ZRANB1: variants seen among roughly 807,000 people sequenced by gnomAD.
The protein encoded by ZRANB1 is ubiquitin thioesterase ZRANB1.
ZRANB1 carries 16 observed loss-of-function variants against 80.5 expected under a neutral mutation model. The ratio of observed to expected loss-of-function variants is 0.20; its 90% CI spans 0.13 to 0.30. The LOEUF (loss-of-function observed/expected upper bound fraction) is 0.30, where lower values mean the gene tolerates loss of function less well. Ranked by LOEUF, ZRANB1 falls within the 10% of genes least tolerant of loss-of-function variation. The pLI is 1.00. For missense variants in ZRANB1, 576 were observed against 862.6 expected (o/e 0.67, Z 4.16); for synonymous variants, 291 against 293.1 (o/e 0.99, Z 0.07).
At chr10:124,951,334 G>A (rs1951637340) in intron 1 of ZRANB1, among the ~76,000 whole-genome samples, 1 of 152,148 alleles carries the variant, frequency 6.6e-6, no homozygotes, top group African/African-American at 2.4e-5. Context: ...ATTAACTTCT[G>A]TGAAGGAAAA....
intron 1 of ZRANB1, among the ~76,000 whole-genome samples, chr10:124,958,117 A>G (rs1170584522): frequency 1.3e-5 from 2 of 152,222 alleles, no homozygotes; most frequent in African/African-American, 4.8e-5. Flanking sequence ...TGATGAAAAT[A>G]TATTATTTCT....
chr10:124,953,091 A>AT (rs368258624), intron 1 of ZRANB1, among the ~76,000 whole-genome samples: 102,153 of 131,600 alleles, frequency 0.78, 40,909 homozygotes, highest in East Asian at 0.91. Flanking sequence ...TGCCTGGCTA[A>AT]TTTTTTTTTT....
At chr10:124,944,930 A>T (rs1951567209) in intron 1 of ZRANB1, among the ~76,000 whole-genome samples, 2 of 152,018 alleles carry the variant, frequency 1.3e-5, no homozygotes, top group Admixed American at 1.3e-4. Flanking sequence ...GGATGAGGGG[A>T]TGAAAACATA....
At chr10:124,922,420 G>T in the ZRANB1 span, among the ~76,000 whole-genome samples, 1 of 149,542 alleles carries the variant, frequency 6.7e-6, no homozygotes, top group African/African-American at 2.5e-5. Context: ...TGACTTCCCA[G>T]GCTCAAGCTA....
chr10:124,963,566 T>TTTTTTTTTTG (rs1951753842), intron 1 of ZRANB1, among the ~76,000 whole-genome samples: 26 of 134,190 alleles, frequency 1.9e-4, no homozygotes, highest in East Asian at 4.3e-4. Context: ...TTTTTTTTTT[T>TTTTTTTTTTG]TTTTTTTTTT....
intron 3 of ZRANB1, among the ~76,000 whole-genome samples, chr10:124,973,007 T>C (rs1244711777): frequency 1.3e-5 from 2 of 152,176 alleles, no homozygotes; most frequent in Non-Finnish European, 2.9e-5. Flanking sequence ...TCAGTGTTTT[T>C]AATTTTTATG....
chr10:124,972,196 C>A, intron 3 of ZRANB1, 78 bp downstream of exon 3: 1 of 1,456,006 alleles, frequency 6.9e-7, no homozygotes, highest in Non-Finnish European at 9.4e-7. Flanking sequence ...AAAAATGTTT[C>A]TGTTAGAAAG....
chr10:124,920,936 T>G, the ZRANB1 span, among the ~76,000 whole-genome samples: 1 of 152,114 alleles, frequency 6.6e-6, no homozygotes. Context: ...GTTATAGAGG[T>G]ATTCTAGGAT....
In ZRANB1 at chr10:124,950,246, A is replaced by G. The variant is rs11245441; in HGVS notation, c.814+6939A>G. Reference sequence around the variant, plus strand: ...CTCAAGCAATTCTCCTACCTCAGCCACCCAGGTAGATGGGACTACAGACGT... The same window carrying G: ...CTCAAGCAATTCTCCTACCTCAGCCGCCCAGGTAGATGGGACTACAGACGT... On this transcript the variant is annotated intron_variant, in intron 1 of 8. Coordinates refer to ENST00000359653, the MANE Select transcript of ZRANB1 (RefSeq NM_017580.3). Among the ~76,000 whole-genome samples the G allele has an allele frequency of 1.2e-4, 18 of 152,100 alleles. No homozygotes were observed. The East Asian group carries it at 3.5e-3, about 29-fold the overall frequency.
In ZRANB1 at chr10:124,972,048, T is replaced by C; in HGVS notation, c.1086T>C (p.Ser362=). The change falls in exon 3 of 9, where the codon TCT becomes TCC. Residue 362 remains serine (S), a synonymous_variant. Coordinates refer to ENST00000359653, the MANE Select transcript of ZRANB1 (RefSeq NM_017580.3). The stretch of plus-strand genomic sequence containing the variant: ...AAATCCGGAGAGAGATAGCTGCCTC[T>C]CTTCATCAGAGAAAGGGGGATTTTG... The part of the protein sequence containing the change: ...TEQIRREIAA[S]LHQRKGDFAC... 2 of 1,614,054 alleles carry C rather than the reference T, an allele frequency of 1.2e-6. No homozygotes were observed. Among genetic ancestry groups the C allele is most frequent in the South Asian group, 2.2e-5 (2 of 91,054 alleles).
chr10:124,975,389 A>G (rs1951867957), intron 5 of ZRANB1, among the ~76,000 whole-genome samples: 1 of 152,228 alleles, frequency 6.6e-6, no homozygotes, highest in Non-Finnish European at 1.5e-5. Context: ...ACATCTTTCC[A>G]GAATAAGAAT....
chr10:124,949,326 G>A (rs1951611336), intron 1 of ZRANB1, among the ~76,000 whole-genome samples: 1 of 151,784 alleles, frequency 6.6e-6, no homozygotes, highest in Non-Finnish European at 1.5e-5. Context: ...CTTAAGTTTA[G>A]GAGCTGAGAT....
At chr10:124,952,146 C>T (rs993048380) in intron 1 of ZRANB1, among the ~76,000 whole-genome samples, 1 of 152,128 alleles carries the variant, frequency 6.6e-6, no homozygotes, top group Admixed American at 6.5e-5. Context: ...ATAATGTCCA[C>T]ACCCCACCTC....
chr10:124,948,784 T>A (rs1951606017), intron 1 of ZRANB1, among the ~76,000 whole-genome samples: 1 of 152,210 alleles, frequency 6.6e-6, no homozygotes, highest in Non-Finnish European at 1.5e-5. Flanking sequence ...TAATTTTATG[T>A]TTTGTTCAAA....
At chr10:124,967,643 C>T (rs949510405) in intron 2 of ZRANB1, among the ~76,000 whole-genome samples, 1 of 152,074 alleles carries the variant, frequency 6.6e-6, no homozygotes, top group East Asian at 1.9e-4. Flanking sequence ...GCAAGAACTT[C>T]TGCCAGAAGG....
the ZRANB1 span, among the ~76,000 whole-genome samples, chr10:124,922,281 A>AATATATATATATATATATATAT: frequency 3.4e-5 from 3 of 87,456 alleles, no homozygotes; most frequent in African/African-American, 1.3e-4. Context: ...ATATATGTAA[A>AATATATATATATATATATATAT]ATATATATAT....
rs145000708 is a variant in ZRANB1, at chr10:124,955,266, T to TA, written c.815-11327dup. Among the ~76,000 whole-genome samples, 949 of 152,070 alleles carry TA rather than the reference T, an allele frequency of 6.2e-3. 7 individuals are homozygous for TA. Among genetic ancestry groups the TA allele is most frequent in the African/African-American group, 0.022 (903 of 41,480 alleles). ...TTTGTTTGTTTTTGAAACAGGGTCTTACTGTGTTGCGCAGGCTAGAGTGCA... is the reference window on the plus strand; with the variant it reads ...TTTGTTTGTTTTTGAAACAGGGTCTTAACTGTGTTGCGCAGGCTAGAGTGCA... On this transcript the variant is annotated intron_variant, in intron 1 of 8. Coordinates refer to ENST00000359653, the MANE Select transcript of ZRANB1 (RefSeq NM_017580.3).
Position 124,973,652 on chromosome 10 carries a change from A to C in ZRANB1, c.1164A>C (p.Glu388Asp). The C allele has an allele frequency of 6.2e-7, 1 of 1,610,562 alleles. No homozygotes were observed. Among genetic ancestry groups the C allele is most frequent in the Non-Finnish European group, 8.5e-7 (1 of 1,179,072 alleles). Residue 388 changes from glutamate (E) to aspartate (D), a missense_variant, in exon 4 of 9, where the codon GAA becomes GAC. By Grantham distance (45) the Glu-to-Asp change is conservative (BLOSUM62 2). This residue lies in a region of ZRANB1 where 411 missense variants were observed against 583.1 expected (regional missense o/e 0.70). Coordinates refer to ENST00000359653, the MANE Select transcript of ZRANB1 (RefSeq NM_017580.3). ...LVTFTLPADI[E>D]DLPPTVQEKL... ...TTTGCATTTTCTTTGTAGATATTGA[A>C]GATTTGCCCCCAACAGTCCAAGAAA...
chr10:124,932,042 T>G, the ZRANB1 span, among the ~76,000 whole-genome samples: 1 of 152,210 alleles, frequency 6.6e-6, no homozygotes, highest in Non-Finnish European at 1.5e-5. Context: ...TTTTCTAGAA[T>G]GTCATATAGT....
Sources: allele counts gnomAD v4.1 joint callset (sites outside exome capture counted in the v4.1 genomes callset), GRCh38; gene constraint gnomAD v4.1.1; regional missense constraint gnomAD v4.1.1; transcripts MANE v1.5; gene names NCBI Gene and HGNC (gene_info 2026-07-23, HGNC 2026-07-21).